DGKI: variants seen among roughly 807,000 people sequenced by gnomAD.
The protein encoded by DGKI is diacylglycerol kinase iota.
DGKI carries 55 observed loss-of-function variants against 147.5 expected under a neutral mutation model. That is an observed-to-expected ratio of 0.37 (90% CI 0.30 to 0.47). DGKI has a LOEUF of 0.47. Ranked by LOEUF, DGKI falls within the 20% of genes least tolerant of loss-of-function variation. The pLI is 1.00. For missense variants in DGKI, 1,007 were observed against 1,323.8 expected (o/e 0.76, Z 3.71); for synonymous variants, 469 against 477.1 (o/e 0.98, Z 0.22).
At chr7:137,533,022 GGGCCAGGTGCAGT>G (rs1817394006) in intron 20 of DGKI, among the ~76,000 whole-genome samples, 1 of 152,108 alleles carries the variant, frequency 6.6e-6, no homozygotes, top group African/African-American at 2.4e-5. Context: ...GGGTCAGTTG[GGGCCAGGTGCAGT>G]GGCACCTGTA....
chr7:137,489,517 G>A (rs1036674262), intron 21 of DGKI, among the ~76,000 whole-genome samples: 1 of 152,196 alleles, frequency 6.6e-6, no homozygotes, highest in Non-Finnish European at 1.5e-5. Context: ...TCAATAAGGA[G>A]ATCTCCTAAA....
chr7:137,450,475 T>G, intron 27 of DGKI, among the ~76,000 whole-genome samples: 1 of 152,160 alleles, frequency 6.6e-6, no homozygotes, highest in East Asian at 1.9e-4. Flanking sequence ...TCCCAGCACT[T>G]TGGGAGGCCA....
chr7:137,776,615 A>T (rs1796369980), intron 1 of DGKI, among the ~76,000 whole-genome samples: 1 of 152,204 alleles, frequency 6.6e-6, no homozygotes, highest in Non-Finnish European at 1.5e-5. Context: ...AGGAAGGTGT[A>T]CTTAAAGAAG....
intron 1 of DGKI, among the ~76,000 whole-genome samples, chr7:137,766,723 C>T (rs1796025394): frequency 1.3e-5 from 2 of 152,082 alleles, no homozygotes; most frequent in South Asian, 4.2e-4. Context: ...ACTAGGGACT[C>T]AAATAGGGAG....
At chr7:137,576,398 T>C (rs17169298) in intron 17 of DGKI, among the ~76,000 whole-genome samples, 9,119 of 152,218 alleles carry the variant, frequency 0.06, 675 homozygotes, top group African/African-American at 0.17. Context: ...AATTCAAACA[T>C]TGCTATATTC....
At chr7:137,620,482 G>A (rs1230856504) in intron 7 of DGKI, among the ~76,000 whole-genome samples, 2 of 152,018 alleles carry the variant, frequency 1.3e-5, no homozygotes, top group East Asian at 1.9e-4. Context: ...TTGTCTTTCC[G>A]GTTTAGAGAA....
intron 28 of DGKI, among the ~76,000 whole-genome samples, chr7:137,439,184 G>A (rs1022459631): frequency 5.9e-5 from 9 of 152,188 alleles, no homozygotes; most frequent in Admixed American, 5.9e-4. Flanking sequence ...TTTATGAATA[G>A]TATCTATTTC....
chr7:137,529,068 A>G (rs1043140678), intron 20 of DGKI, among the ~76,000 whole-genome samples: 1 of 152,196 alleles, frequency 6.6e-6, no homozygotes, highest in African/African-American at 2.4e-5. Flanking sequence ...AATGTCAATA[A>G]ATTTTTATGA....
At chr7:137,731,094 G>A (rs1794870173) in intron 1 of DGKI, among the ~76,000 whole-genome samples, 1 of 151,792 alleles carries the variant, frequency 6.6e-6, no homozygotes, top group Non-Finnish European at 1.5e-5. Context: ...CCTACCACGG[G>A]GCCTTCACAC....
At chr7:137,684,523 A>T (rs2116425615) in intron 2 of DGKI, among the ~76,000 whole-genome samples, 1 of 152,324 alleles carries the variant, frequency 6.6e-6, no homozygotes, top group South Asian at 2.1e-4. Context: ...AGAAGATTAG[A>T]CCGAGACACT....
At chr7:137,801,399 C>CTTTA (rs1178547621) in intron 1 of DGKI, among the ~76,000 whole-genome samples, 1 of 152,166 alleles carries the variant, frequency 6.6e-6, no homozygotes, top group Non-Finnish European at 1.5e-5. Flanking sequence ...CAACTGTGTC[C>CTTTA]TTTACATCAT....
intron 10 of DGKI, among the ~76,000 whole-genome samples, chr7:137,603,730 T>C (rs1341637757): frequency 6.6e-6 from 1 of 152,160 alleles, no homozygotes; most frequent in African/African-American, 2.4e-5. Context: ...ATGAGTAGAC[T>C]TAACTATTTC....
At chr7:137,695,514 A>T (rs1194101646) in intron 1 of DGKI, among the ~76,000 whole-genome samples, 2 of 152,196 alleles carry the variant, frequency 1.3e-5, no homozygotes, top group Non-Finnish European at 2.9e-5. Flanking sequence ...CTATTTCATA[A>T]TAAATTTCCC....
At chr7:137,801,657 C>T (rs1022622125) in intron 1 of DGKI, among the ~76,000 whole-genome samples, 11 of 152,148 alleles carry the variant, frequency 7.2e-5, no homozygotes, top group African/African-American at 2.4e-4. Context: ...AGATCAGTCT[C>T]TTTTATGATG....
chr7:137,731,506 T>C (rs1280123709), intron 1 of DGKI, among the ~76,000 whole-genome samples: 7 of 152,100 alleles, frequency 4.6e-5, no homozygotes, highest in Admixed American at 4.6e-4. Context: ...CGTCATCTTC[T>C]TCTTCATCAT....
At chr7:137,472,792 T>A (rs1328322363) in intron 23 of DGKI, among the ~76,000 whole-genome samples, 1 of 152,008 alleles carries the variant, frequency 6.6e-6, no homozygotes, top group East Asian at 1.9e-4. Context: ...AATAAAGAGA[T>A]TAAACAGAAA....
Position 137,517,315 on chromosome 7 carries a change from GAA to G in DGKI, c.2248+4549_2248+4550del, listed in dbSNP as rs1258661973. On this transcript the variant is annotated intron_variant, in intron 21 of 32. Transcript: ENST00000614521. The stretch of plus-strand genomic sequence containing the variant: ...AGAAAGAAAGAAAGAAAGAAAGAAA[GAA>G]AGAAAGAAAGAAAGAAAGAAAGAGA... Among the ~76,000 whole-genome samples, 498 of 99,446 alleles carry G rather than the reference GAA, an allele frequency of 5.0e-3. 6 individuals carry two copies. Among genetic ancestry groups the G allele is most frequent in the African/African-American group, 0.02 (472 of 23,436 alleles). The allele number at this position is 99,446 out of a possible 152,430, so 65.2% of individuals were successfully genotyped here.
chr7:137,434,409 G>A (rs1314114442), intron 28 of DGKI, among the ~76,000 whole-genome samples: 1 of 151,888 alleles, frequency 6.6e-6, no homozygotes, highest in African/African-American at 2.4e-5. Flanking sequence ...GTGAAACCCT[G>A]TCTCCACTAA....
At chr7:137,444,998 C>G (rs1270188651) in intron 27 of DGKI, among the ~76,000 whole-genome samples, 1 of 152,122 alleles carries the variant, frequency 6.6e-6, no homozygotes, top group East Asian at 1.9e-4. Flanking sequence ...AAGGAGTCCT[C>G]TTCTCTGAAT....
Sources: gnomAD v4.1 joint callset for allele counts (sites outside exome capture counted in the v4.1 genomes callset) on GRCh38, gnomAD v4.1.1 for gene constraint, MANE v1.5 for transcripts, NCBI Gene and HGNC (gene_info 2026-07-23, HGNC 2026-07-21) for gene names.